ZSCAN12: variants seen among roughly 807,000 people sequenced by gnomAD.
The protein encoded by ZSCAN12 is zinc finger and SCAN domain containing 12.
Under a neutral mutation model 23.4 loss-of-function variants are expected in ZSCAN12, and 18 were observed. That is an observed-to-expected ratio of 0.77 (90% CI 0.53 to 1.14). The LOEUF is 1.14. Ranked by LOEUF, ZSCAN12 falls within the 50% of genes most tolerant of loss-of-function variation. The pLI is 0.00. For synonymous variants in ZSCAN12, 186 were observed against 253.4 expected (o/e 0.73, Z 2.53); for missense variants, 650 against 735.0 (o/e 0.88, Z 1.34).
chr6:28,395,784 A>G (rs1288946198), intron 2 of ZSCAN12, among the ~76,000 whole-genome samples: 3 of 152,148 alleles, frequency 2.0e-5, no homozygotes, highest in Admixed American at 6.5e-5. Context: ...CACCATGATA[A>G]GTACATTCTC....
At chr6:28,382,817 A>T (rs768290094), downstream of ZSCAN12, among the ~76,000 whole-genome samples, 4 of 152,198 alleles carry the variant, frequency 2.6e-5, no homozygotes, top group Non-Finnish European at 5.9e-5. Context: ...TAAAACTTTA[A>T]AGATCATGAC....
chr6:28,379,032 A>G (rs1760088668), exon 5 of ZSCAN12: 2 of 152,302 alleles, frequency 1.3e-5, no homozygotes, highest in South Asian at 4.1e-4. Flanking sequence ...GACACCTAGA[A>G]TTCTGAGATA....
chr6:28,394,655 C>A (rs1290314221), intron 2 of ZSCAN12, among the ~76,000 whole-genome samples: 6 of 152,104 alleles, frequency 3.9e-5, no homozygotes, highest in Non-Finnish European at 7.4e-5. Context: ...AACTGGTTGG[C>A]AATACAAATT....
In ZSCAN12 at chr6:28,391,428, G is replaced by A. The variant is rs1374192582; in HGVS notation, c.862C>T (p.His288Tyr). The A allele has an allele frequency of 2.6e-6, 4 of 1,551,418 alleles. No homozygotes were observed. Among genetic ancestry groups the A allele is most frequent in the African/African-American group, 1.4e-5 (1 of 73,012 alleles). The change falls in exon 4 of 4, where the codon CAC becomes TAC. Residue 288 changes from histidine to tyrosine, a missense_variant. Physicochemically the swap from His to Tyr is moderately conservative, Grantham distance 83. Coordinates refer to ENST00000684592, the MANE Select transcript of ZSCAN12 (RefSeq NM_001163391.2). The surrounding 1 kb of genome is among the most constrained non-coding windows in gnomAD (Gnocchi z 4.1). Reference protein sequence around the residue: ...DCGKAFSQHSHLIEHQRIHTG... With the variant: ...DCGKAFSQHSYLIEHQRIHTG... ...TGGATCCTCTGATGTTCTATGAGGT[G>A]TGAGTGCTGACTAAAAGCTTTTCCA...
At chr6:28,394,496 G>C (rs372094220) in intron 2 of ZSCAN12, among the ~76,000 whole-genome samples, 1 of 152,096 alleles carries the variant, frequency 6.6e-6, no homozygotes, top group Admixed American at 6.6e-5. Context: ...ATAGAAAACG[G>C]TGTTTTGATA....
chr6:28,397,948 GC>G, intron 2 of ZSCAN12, 55 bp downstream of exon 2: 1 of 1,487,778 alleles, frequency 6.7e-7, no homozygotes, highest in East Asian at 2.4e-5. Context: ...CTTCACTCTG[GC>G]CTAGAAATCC....
At chr6:28,399,219 C>T (rs955637253) in intron 1 of ZSCAN12, among the ~76,000 whole-genome samples, 12 of 152,198 alleles carry the variant, frequency 7.9e-5, no homozygotes, top group African/African-American at 2.9e-4. Context: ...GGGACTTAAT[C>T]TTTCTGCTCC....
chr6:28,382,180 T>C (rs751665457), downstream of ZSCAN12: 2 of 226,860 alleles, frequency 8.8e-6, no homozygotes, highest in Non-Finnish European at 1.7e-5. Context: ...TTCTGGATGA[T>C]ATTATCTTAC....
rs1761313475 is a variant in ZSCAN12 at position 28,399,646 on chromosome 6, A to T, written c.-69+11T>A. The T allele has an allele frequency of 6.6e-6, 1 of 152,586 alleles. No individual in the cohort carries two copies. Among genetic ancestry groups the T allele is most frequent in the Admixed American group, 6.5e-5 (1 of 15,294 alleles). 9.5% of individuals were successfully genotyped at this position (152,586 alleles called of 1,614,324 possible). ...ACCTGCTCGCAGCGTACAGAGCACA[A>T]CATCGCTCACCTGCGGCCCCCAGGG... is the stretch of plus-strand genomic sequence containing the variant. On this transcript the variant is annotated intron_variant, in intron 1 of 3. Transcript: ENST00000684592.
chr6:28,392,872 T>C (rs1243145409), intron 3 of ZSCAN12, 30 bp downstream of exon 3: 1 of 1,550,538 alleles, frequency 6.4e-7, no homozygotes, highest in Admixed American at 2.0e-5. Context: ...CATCTTCCCC[T>C]TCCTCCCAAG....
Position 28,398,323 on chromosome 6 carries a change from G to T in ZSCAN12, c.83C>A (p.Thr28Asn). The change falls in exon 2 of 4, where the codon ACC becomes AAC. Residue 28 changes from threonine to asparagine, a missense_variant. Coordinates refer to ENST00000684592, the MANE Select transcript of ZSCAN12 (RefSeq NM_001163391.2). ...EVKIEEEKYT[T>N]RQDWDLRKNN... ...TTTACGCAGGTCCCAATCCTGTCTG[G>T]TGGTATATTTCTCTTCCTCTATCTT... 6.4e-7 allele frequency: 1 copy of T among 1,563,070 alleles called. No homozygotes were observed.
intron 2 of ZSCAN12, among the ~76,000 whole-genome samples, chr6:28,397,056 A>T (rs1761147004): frequency 1.3e-5 from 2 of 152,048 alleles, no homozygotes; most frequent in Non-Finnish European, 2.9e-5. Flanking sequence ...GGCTCTACTG[A>T]CATGTTCCTA....
rs1760852953 is a variant in ZSCAN12, at chr6:28,391,772, T to C, written c.548-30A>G. ...GAAGGGATCATAAATGTTACCTCTTTCTACCTTTAAAATGTATCCATACAT... is the reference window on the plus strand; with the variant it reads ...GAAGGGATCATAAATGTTACCTCTTCCTACCTTTAAAATGTATCCATACAT... On this transcript the variant is annotated intron_variant, in intron 3 of 3. Coordinates refer to ENST00000684592, the MANE Select transcript of ZSCAN12 (RefSeq NM_001163391.2). The surrounding 1 kb of genome is among the most constrained non-coding windows in gnomAD (Gnocchi z 4.1). 3.5e-6 allele frequency: 5 copies of C among 1,447,616 alleles called. No individual in the cohort carries two copies. In the African/African-American group the frequency reaches 4.3e-5, roughly 12 times the overall value. The allele number at this position is 1,447,616 out of a possible 1,614,324, so 89.7% of individuals were successfully genotyped here.
At position 28,387,458 on chromosome 6, in the gene ZSCAN12, G is replaced by C. The variant is rs1423330329; in HGVS notation, c.*2996C>G. Among the ~76,000 whole-genome samples, 1 of 152,178 alleles carries C rather than the reference G, an allele frequency of 6.6e-6. No individual in the cohort carries two copies. The highest frequency in any genetic ancestry group is 1.5e-5 in the Non-Finnish European group (1 of 68,038). Reference sequence around the variant, plus strand: ...ATAACAAGTCTATAAAATCAGATTAGATAAGGAGTATGCATAGCATGTTTG... The same window carrying C: ...ATAACAAGTCTATAAAATCAGATTACATAAGGAGTATGCATAGCATGTTTG... On this transcript the variant is annotated 3_prime_UTR_variant, in exon 4 of 4. Coordinates refer to ENST00000684592, the MANE Select transcript of ZSCAN12 (RefSeq NM_001163391.2).
At chr6:28,397,936 T>C (rs1581786181) in intron 2 of ZSCAN12, 68 bp downstream of exon 2, 3 of 1,451,954 alleles carry the variant, frequency 2.1e-6, no homozygotes, top group East Asian at 2.4e-5. Context: ...AAAATGGCTG[T>C]TCTTCACTCT....
At chr6:28,381,050 C>A (rs944546189), downstream of ZSCAN12, 3 of 151,954 alleles carry the variant, frequency 2.0e-5, no homozygotes, top group African/African-American at 7.3e-5. Context: ...GTAGGGGGGT[C>A]CAATTTGGGT....
Position 28,385,271 on chromosome 6 carries a change from T to C in ZSCAN12, c.*5183A>G, listed in dbSNP as rs1760485871. Among the ~76,000 whole-genome samples, 1 of 152,186 alleles carries C rather than the reference T, an allele frequency of 6.6e-6. No individual in the cohort carries two copies. Among genetic ancestry groups the C allele is most frequent in the Non-Finnish European group, 1.5e-5 (1 of 68,034 alleles). On this transcript the variant is annotated 3_prime_UTR_variant, in exon 4 of 4. Transcript: ENST00000684592. ...GAGTGATTTATCATTCTAAGAAGGG[T>C]GATCTTTTCATATAAAGAGCCCATT... is the stretch of plus-strand genomic sequence containing the variant.
At chr6:28,381,252 C>T (rs1302921051), downstream of ZSCAN12, 1 of 152,218 alleles carries the variant, frequency 6.6e-6, no homozygotes, top group Non-Finnish European at 1.5e-5. Flanking sequence ...AGGACTATTT[C>T]TACTCACTTT....
At chr6:28,393,472 TAAA>T (rs35790801) in intron 2 of ZSCAN12, among the ~76,000 whole-genome samples, 125 of 111,854 alleles carry the variant, frequency 1.1e-3, no homozygotes, top group African/African-American at 3.5e-3. Context: ...AGAGAAATGA[TAAA>T]AAAAAAAAAA....
Sources: allele counts gnomAD v4.1 joint callset (sites outside exome capture counted in the v4.1 genomes callset), GRCh38; gene constraint gnomAD v4.1.1; non-coding constraint Gnocchi (gnomAD v3.1); transcripts MANE v1.5; gene names NCBI Gene and HGNC (gene_info 2026-07-23, HGNC 2026-07-21).